The following RNF180 variants were observed in gnomAD, a reference collection of about 807,000 sequenced individuals.
RNF180 encodes E3 ubiquitin-protein ligase RNF180.
RNF180 carries 38 observed loss-of-function variants against 59.2 expected under a neutral mutation model. That is an observed-to-expected ratio of 0.64 (90% CI 0.50 to 0.84). The LOEUF is 0.84. Ranked by LOEUF, RNF180 falls within the 40% of genes least tolerant of loss-of-function variation. The pLI is 0.00. For missense variants in RNF180, 705 were observed against 700.9 expected (o/e 1.01, Z -0.07); for synonymous variants, 262 against 240.3 (o/e 1.09, Z -0.84).
At chr5:64,308,117 T>C (rs2112473542) in intron 5 of RNF180, among the ~76,000 whole-genome samples, 1 of 151,924 alleles carries the variant, frequency 6.6e-6, no homozygotes, top group South Asian at 2.1e-4. Flanking sequence ...CTGATTGCAG[T>C]GCAGTTATGC....
At chr5:64,290,507 G>A (rs909282616) in intron 5 of RNF180, among the ~76,000 whole-genome samples, 1 of 152,164 alleles carries the variant, frequency 6.6e-6, no homozygotes, top group Non-Finnish European at 1.5e-5. Flanking sequence ...CTTTGTGGAA[G>A]TCTAAGTCCC....
At chr5:64,303,128 G>A (rs1743243789) in intron 5 of RNF180, among the ~76,000 whole-genome samples, 2 of 151,676 alleles carry the variant, frequency 1.3e-5, no homozygotes, top group East Asian at 1.9e-4. Context: ...TATTGTAATT[G>A]TTTTGGGGCA....
intron 5 of RNF180, among the ~76,000 whole-genome samples, chr5:64,275,333 T>C (rs996260008): frequency 7.2e-6 from 1 of 139,782 alleles, no homozygotes; most frequent in Non-Finnish European, 1.6e-5. Flanking sequence ...AATCTTATTC[T>C]CTAAATCTTA....
chr5:64,225,822 G>A (rs1177000764), intron 5 of RNF180, among the ~76,000 whole-genome samples: 2 of 145,568 alleles, frequency 1.4e-5, no homozygotes, highest in Admixed American at 1.4e-4. Flanking sequence ...CCTCTGCCCG[G>A]CCGCCCCGTC....
chr5:64,274,704 G>A (rs1359035613), intron 5 of RNF180, among the ~76,000 whole-genome samples: 1 of 151,990 alleles, frequency 6.6e-6, no homozygotes, highest in Non-Finnish European at 1.5e-5. Flanking sequence ...TTCTCCTGGT[G>A]ACTCTCTTTC....
In RNF180 at chr5:64,353,251, T is replaced by G. The variant is rs73105046; in HGVS notation, c.1580-16364T>G. The stretch of plus-strand genomic sequence containing the variant: ...TTCTGTTTATTACAGAAAAACTAAG[T>G]TTTGCTTCATTCATGTGGAAAAAAT... On this transcript the variant is annotated intron_variant, in intron 7 of 7. Coordinates refer to ENST00000389100, the MANE Select transcript of RNF180 (RefSeq NM_001113561.2). 4.9e-3 allele frequency among the ~76,000 whole-genome samples: 745 copies of G among 151,878 alleles called. 10 individuals carry two copies. The highest frequency in any genetic ancestry group is 0.017 in the African/African-American group (699 of 41,530).
intron 1 of RNF180, among the ~76,000 whole-genome samples, chr5:64,199,767 C>A (rs1460467788): frequency 6.6e-6 from 1 of 152,110 alleles, no homozygotes; most frequent in East Asian, 1.9e-4. Flanking sequence ...AATTACCAGA[C>A]AAGTTATTTA....
At chr5:64,237,680 G>T (rs774810075) in intron 5 of RNF180, among the ~76,000 whole-genome samples, 1 of 152,138 alleles carries the variant, frequency 6.6e-6, no homozygotes, top group Non-Finnish European at 1.5e-5. Flanking sequence ...ATCTCAAATT[G>T]TAATCCCCAC....
At chr5:64,204,773 A>G (rs1392588169) in intron 2 of RNF180, among the ~76,000 whole-genome samples, 1 of 152,098 alleles carries the variant, frequency 6.6e-6, no homozygotes, top group African/African-American at 2.4e-5. Flanking sequence ...CTGAATACCA[A>G]AGTTAGGCAA....
At chr5:64,183,718 G>A (rs578252322) in intron 1 of RNF180, among the ~76,000 whole-genome samples, 1 of 152,094 alleles carries the variant, frequency 6.6e-6, no homozygotes, top group African/African-American at 2.4e-5. Context: ...AAAGTGCTGG[G>A]GTTACAGGCG....
chr5:64,166,122 C>G (rs1267740683), intron 1 of RNF180, 169 bp downstream of exon 1: 2 of 152,216 alleles, frequency 1.3e-5, no homozygotes, highest in Admixed American at 6.5e-5. Flanking sequence ...GGCCGCCTCT[C>G]GCCCGGCGGG....
chr5:64,235,312 G>C (rs1580075357), intron 5 of RNF180, among the ~76,000 whole-genome samples: 1 of 151,924 alleles, frequency 6.6e-6, no homozygotes, highest in Admixed American at 6.6e-5. Context: ...ACCAAAGCAG[G>C]CTATATGAGT....
At chr5:64,286,434 A>G (rs1193182667) in intron 5 of RNF180, among the ~76,000 whole-genome samples, 2 of 152,202 alleles carry the variant, frequency 1.3e-5, no homozygotes, top group Non-Finnish European at 2.9e-5. Flanking sequence ...CAAACCCTTA[A>G]CTCCAATACC....
At chr5:64,276,128 A>G (rs1741698298) in intron 5 of RNF180, among the ~76,000 whole-genome samples, 1 of 152,098 alleles carries the variant, frequency 6.6e-6, no homozygotes, top group African/African-American at 2.4e-5. Context: ...GGAGCAGGAA[A>G]AAGACCTTCC....
chr5:64,232,147 G>A (rs1010124672), intron 5 of RNF180, among the ~76,000 whole-genome samples: 8 of 152,104 alleles, frequency 5.3e-5, no homozygotes, highest in South Asian at 2.1e-4. Flanking sequence ...TATAAGGGTC[G>A]CAGAGCATAA....
intron 7 of RNF180, among the ~76,000 whole-genome samples, chr5:64,339,594 GT>G (rs1266795629): frequency 6.6e-6 from 1 of 151,974 alleles, no homozygotes; most frequent in Non-Finnish European, 1.5e-5. Context: ...TCTCAGCTTG[GT>G]TTTCATGGTT....
At chr5:64,209,640 G>C (rs924134159) in intron 2 of RNF180, among the ~76,000 whole-genome samples, 73 of 151,924 alleles carry the variant, frequency 4.8e-4, no homozygotes, top group Non-Finnish European at 9.1e-4. Flanking sequence ...CCCTCTCTCT[G>C]TCACTGCCAC....
At chr5:64,278,751 T>C (rs1741853744) in intron 5 of RNF180, among the ~76,000 whole-genome samples, 1 of 152,202 alleles carries the variant, frequency 6.6e-6, no homozygotes, top group Non-Finnish European at 1.5e-5. Flanking sequence ...CCTTTGCCTG[T>C]GTGGCAAATC....
Position 64,184,062 on chromosome 5 carries a change from A to G in RNF180, c.1-16746A>G, listed in dbSNP as rs574789568. Among the ~76,000 whole-genome samples, 8 of 152,306 alleles carry G rather than the reference A, an allele frequency of 5.3e-5. No homozygotes were observed. The East Asian group carries it at 1.4e-3, about 26-fold the overall frequency. ...CCTTATACATAGAACAAATTTGGAC[A>G]CATAAAGACCTACTGGTTATGTGTG... On this transcript the variant is annotated intron_variant, in intron 1 of 7. Coordinates refer to ENST00000389100, the MANE Select transcript of RNF180 (RefSeq NM_001113561.2).
Sources: gnomAD v4.1 joint callset for allele counts (sites outside exome capture counted in the v4.1 genomes callset) on GRCh38, gnomAD v4.1.1 for gene constraint, MANE v1.5 for transcripts, NCBI Gene and HGNC (gene_info 2026-07-23, HGNC 2026-07-21) for gene names.